The following CADPS variants were observed in gnomAD, a reference collection of about 807,000 sequenced individuals.
The protein encoded by CADPS is calcium dependent secretion activator.
A neutral mutation model predicts 167.3 loss-of-function variants in CADPS; 57 were observed. The ratio of observed to expected loss-of-function variants is 0.34; its 90% CI spans 0.28 to 0.42. The LOEUF is 0.42. CADPS is among the 20% of genes least tolerant of loss of function. The pLI is 1.00. For synonymous variants in CADPS, 676 were observed against 635.3 expected, an observed-to-expected ratio of 1.06 and a Z score of -0.96; for missense variants, 1,414 against 1,738.1, an observed-to-expected ratio of 0.81 and a Z score of 3.32.
intron 6 of CADPS, among the ~76,000 whole-genome samples, chr3:62,617,711 G>T (rs1198054469): frequency 1.3e-5 from 2 of 152,250 alleles, no homozygotes; most frequent in African/African-American, 4.8e-5. Flanking sequence ...AACACACATG[G>T]TGTCAGTTCT....
intron 6 of CADPS, among the ~76,000 whole-genome samples, chr3:62,636,036 T>G (rs975497718): frequency 6.6e-6 from 1 of 152,188 alleles, no homozygotes; most frequent in Non-Finnish European, 1.5e-5. Context: ...CCAACTGACT[T>G]TGATGGTCTG....
intron 1 of CADPS, among the ~76,000 whole-genome samples, chr3:62,862,449 T>C (rs2080984838): frequency 6.6e-6 from 1 of 152,132 alleles, no homozygotes; most frequent in Non-Finnish European, 1.5e-5. Context: ...TCTCTTGTGA[T>C]CTACTCACCT....
intron 1 of CADPS, among the ~76,000 whole-genome samples, chr3:62,801,557 A>G (rs553329517): frequency 9.2e-5 from 14 of 152,292 alleles, no homozygotes; most frequent in African/African-American, 3.4e-4. Flanking sequence ...GGCTATCAGG[A>G]AGCTGTAAAT....
intron 11 of CADPS, among the ~76,000 whole-genome samples, chr3:62,547,307 A>G (rs1178258082): frequency 6.6e-6 from 1 of 152,198 alleles, no homozygotes; most frequent in Admixed American, 6.5e-5. Context: ...GCAGAACTCA[A>G]TGGGTGCCAT....
chr3:62,819,510 C>T (rs1386054813), intron 1 of CADPS, among the ~76,000 whole-genome samples: 1 of 151,702 alleles, frequency 6.6e-6, no homozygotes, highest in Non-Finnish European at 1.5e-5. Flanking sequence ...CAAAGAAAGG[C>T]ATGGCCCCCC....
chr3:62,839,607 T>C (rs952457011), intron 1 of CADPS, among the ~76,000 whole-genome samples: 5 of 152,096 alleles, frequency 3.3e-5, no homozygotes, highest in Non-Finnish European at 5.9e-5. Flanking sequence ...GAGCTAAGAC[T>C]CACCTGTAGG....
intron 9 of CADPS, among the ~76,000 whole-genome samples, chr3:62,565,635 A>T (rs1462574509): frequency 6.6e-6 from 1 of 152,168 alleles, no homozygotes; most frequent in Non-Finnish European, 1.5e-5. Context: ...TTGCACAGGA[A>T]TGCTTGAATC....
intron 6 of CADPS, among the ~76,000 whole-genome samples, chr3:62,594,869 T>G (rs1227910006): frequency 3.3e-5 from 5 of 152,178 alleles, no homozygotes; most frequent in African/African-American, 1.2e-4. Context: ...CTGCCACCAT[T>G]TGGGAACGAG....
intron 1 of CADPS, among the ~76,000 whole-genome samples, chr3:62,860,828 T>C (rs2080653448): frequency 6.6e-6 from 1 of 152,192 alleles, no homozygotes; most frequent in Non-Finnish European, 1.5e-5. Context: ...TTTTCTGTAA[T>C]CTTACCACTA....
chr3:62,658,876 G>A (rs1362356711), intron 4 of CADPS, among the ~76,000 whole-genome samples: 7 of 152,158 alleles, frequency 4.6e-5, no homozygotes, highest in Non-Finnish European at 1.0e-4. Flanking sequence ...GAATTTGCAG[G>A]GGATAAGAAA....
intron 3 of CADPS, among the ~76,000 whole-genome samples, chr3:62,693,433 G>A (rs992669858): frequency 1.3e-5 from 2 of 152,040 alleles, no homozygotes; most frequent in Admixed American, 6.6e-5. Flanking sequence ...GCAGGTTCTC[G>A]ATACATATTT....
At chr3:62,482,425 C>T (rs1238594228) in intron 21 of CADPS, among the ~76,000 whole-genome samples, 1 of 152,130 alleles carries the variant, frequency 6.6e-6, no homozygotes, top group African/African-American at 2.4e-5. Flanking sequence ...ACTGCTGCTT[C>T]TAAAGACAGG....
At chr3:62,496,262 C>A (rs946115522) in intron 18 of CADPS, among the ~76,000 whole-genome samples, 1 of 152,028 alleles carries the variant, frequency 6.6e-6, no homozygotes, top group African/African-American at 2.4e-5. Flanking sequence ...ATCACCTGGG[C>A]AGCTTTTAAA....
chr3:62,474,170 T>TTTTTTTTTTTAA lies in CADPS; in HGVS notation c.3477+2_3477+3insTTAAAAAAAAAA. ...AAATCTGTATTTTTTTTTTTTTTTT[T>TTTTTTTTTTTAA]ACCTCTTGGCCCATTTCCATGCTGC... is the stretch of plus-strand genomic sequence containing the variant. On this transcript the variant is annotated splice_region_variant and intron_variant, in intron 24 of 29. Coordinates refer to ENST00000383710, the MANE Select transcript of CADPS (RefSeq NM_003716.4). 6.8e-7 allele frequency: 1 copy of TTTTTTTTTTTAA among 1,475,392 alleles called. No individual in the cohort carries two copies. Among genetic ancestry groups the TTTTTTTTTTTAA allele is most frequent in the Non-Finnish European group, 9.0e-7 (1 of 1,105,880 alleles). The allele number at this position is 1,475,392 out of a possible 1,614,324, so 91.4% of individuals were successfully genotyped here. A position where few individuals can be genotyped will look rare whatever the true frequency, so the allele number is the denominator to read the frequency against.
chr3:62,623,723 T>C (rs964187316), intron 6 of CADPS, among the ~76,000 whole-genome samples: 1 of 152,166 alleles, frequency 6.6e-6, no homozygotes. Flanking sequence ...GCACTGTCTT[T>C]CATGAAAATG....
intron 6 of CADPS, among the ~76,000 whole-genome samples, chr3:62,616,696 C>T (rs1040224404): frequency 2.6e-5 from 4 of 152,192 alleles, no homozygotes; most frequent in South Asian, 2.1e-4. Context: ...CAGCACTGTA[C>T]ATATAGCATA....
At chr3:62,755,508 G>T (rs2083677868) in intron 2 of CADPS, among the ~76,000 whole-genome samples, 1 of 152,200 alleles carries the variant, frequency 6.6e-6, no homozygotes, top group African/African-American at 2.4e-5. Context: ...TCCCCTGTCA[G>T]ATTTCAGGAA....
intron 9 of CADPS, among the ~76,000 whole-genome samples, chr3:62,568,051 A>G (rs1247229876): frequency 2.0e-5 from 3 of 152,188 alleles, no homozygotes; most frequent in Admixed American, 6.5e-5. Flanking sequence ...TCTTCCTGCT[A>G]AAAGTTGGGA....
At chr3:62,493,621 T>C in intron 19 of CADPS, 24 bp downstream of exon 19, 1 of 1,549,736 alleles carries the variant, frequency 6.5e-7, no homozygotes, top group Non-Finnish European at 8.7e-7. Context: ...CCTCTCTTCT[T>C]TCACGAGATT....
Sources: allele counts gnomAD v4.1 joint callset (sites outside exome capture counted in the v4.1 genomes callset), GRCh38; gene constraint gnomAD v4.1.1; transcripts MANE v1.5; gene names NCBI Gene and HGNC (gene_info 2026-07-23, HGNC 2026-07-21).